The following PDE4D variants were observed in gnomAD, a reference collection of about 807,000 sequenced individuals.
PDE4D encodes phosphodiesterase 4D, also known as 3',5'-cyclic-AMP phosphodiesterase 4D.
Under a neutral mutation model 87.4 loss-of-function variants are expected in PDE4D, and 24 were observed. The ratio of observed to expected loss-of-function variants is 0.27; its 90% CI spans 0.20 to 0.39. The LOEUF is 0.39. Ranked by LOEUF, PDE4D falls within the 10% of genes least tolerant of loss-of-function variation. PDE4D has a pLI of 1.00. For synonymous variants in PDE4D, 384 were observed against 383.2 expected (o/e 1.00, Z -0.02); for missense variants, 714 against 1,041.0 (o/e 0.69, Z 4.32).
intron 1 of PDE4D, among the ~76,000 whole-genome samples, chr5:59,256,501 T>C (rs1012656577): frequency 3.9e-5 from 6 of 152,038 alleles, no homozygotes; most frequent in Non-Finnish European, 1.5e-5. Flanking sequence ...AAACATCAAC[T>C]ACCAAGCCCC....
intron 1 of PDE4D, among the ~76,000 whole-genome samples, chr5:59,577,967 T>G (rs1583198470): frequency 6.6e-6 from 1 of 152,300 alleles, no homozygotes; most frequent in South Asian, 2.1e-4. Flanking sequence ...TTATGTTTCC[T>G]TATTTCCAGT....
At chr5:60,230,853 C>G (rs1745721848) in intron 1 of PDE4D, among the ~76,000 whole-genome samples, 1 of 152,034 alleles carries the variant, frequency 6.6e-6, no homozygotes, top group Non-Finnish European at 1.5e-5. Flanking sequence ...TAAACATCAT[C>G]CATCAGAAAT....
chr5:59,820,422 T>C (rs889189675), intron 1 of PDE4D, among the ~76,000 whole-genome samples: 2 of 152,212 alleles, frequency 1.3e-5, no homozygotes, highest in Admixed American at 1.3e-4. Context: ...TTCCTTACAA[T>C]TCTCTCCTAT....
intron 1 of PDE4D, among the ~76,000 whole-genome samples, chr5:59,347,249 T>C (rs39672): frequency 0.3 from 46,203 of 152,018 alleles, 7,854 homozygotes; most frequent in East Asian, 0.41. Context: ...TGTTACCCTA[T>C]ATAAACAAAC....
chr5:59,262,660 AT>A (rs1404698145), intron 1 of PDE4D, among the ~76,000 whole-genome samples: 2 of 151,876 alleles, frequency 1.3e-5, no homozygotes, highest in Non-Finnish European at 2.9e-5. Flanking sequence ...GAATCTGCTC[AT>A]ATGTGACAAC....
Position 59,087,751 on chromosome 5 carries a change from C to A in PDE4D, c.809-48780G>T, listed in dbSNP as rs139030174. ...CACCTATAGTGCCACAATCTGTAACCTGTTTGAGGCTCTCTCACACCTTTC... is the reference window on the plus strand; with the variant it reads ...CACCTATAGTGCCACAATCTGTAACATGTTTGAGGCTCTCTCACACCTTTC... On this transcript the variant is annotated intron_variant, in intron 5 of 14. Transcript: ENST00000340635. Among the ~76,000 whole-genome samples the A allele has an allele frequency of 1.6e-3, 237 of 152,244 alleles. 1 individual carries two copies. The highest frequency in any genetic ancestry group is 5.3e-3 in the African/African-American group (220 of 41,550).
chr5:60,340,152 G>A (rs1758177348), intron 1 of PDE4D, among the ~76,000 whole-genome samples: 1 of 151,536 alleles, frequency 6.6e-6, no homozygotes, highest in Admixed American at 6.6e-5. Flanking sequence ...AGGGATCCGG[G>A]CCCACGGCGC....
intron 1 of PDE4D, among the ~76,000 whole-genome samples, chr5:59,710,718 C>T (rs992064715): frequency 2.0e-5 from 3 of 152,030 alleles, no homozygotes; most frequent in Non-Finnish European, 4.4e-5. Flanking sequence ...AGTTCTAACA[C>T]TGTTTTTGAG....
At chr5:59,252,009 TG>T (rs1239107887) in intron 1 of PDE4D, among the ~76,000 whole-genome samples, 2 of 151,930 alleles carry the variant, frequency 1.3e-5, no homozygotes, top group African/African-American at 4.8e-5. Flanking sequence ...CAACAGACAT[TG>T]GGGTCTACTT....
chr5:59,827,349 A>G (rs953971106), intron 1 of PDE4D, among the ~76,000 whole-genome samples: 1 of 152,116 alleles, frequency 6.6e-6, no homozygotes, highest in Non-Finnish European at 1.5e-5. Flanking sequence ...TCAGGACCCT[A>G]AAGAAGTATT....
chr5:60,238,644 A>AT (rs879871059), intron 1 of PDE4D, among the ~76,000 whole-genome samples: 1 of 151,600 alleles, frequency 6.6e-6, no homozygotes, highest in African/African-American at 2.4e-5. Flanking sequence ...TTTATCAGCC[A>AT]TTTTTTTCTG....
chr5:60,512,741 C>T (rs939359267), intron 1 of PDE4D, among the ~76,000 whole-genome samples: 5 of 152,158 alleles, frequency 3.3e-5, no homozygotes, highest in African/African-American at 1.2e-4. Context: ...AGAGATTCCT[C>T]AGCAGCTTTC....
At chr5:59,963,201 A>G (rs1205928573) in intron 3 of PDE4D, among the ~76,000 whole-genome samples, 1 of 152,138 alleles carries the variant, frequency 6.6e-6, no homozygotes, top group Non-Finnish European at 1.5e-5. Context: ...AGATCTCTCT[A>G]TATTCCACTC....
chr5:59,922,692 T>C (rs1260701553), intron 3 of PDE4D, among the ~76,000 whole-genome samples: 1 of 152,008 alleles, frequency 6.6e-6, no homozygotes, highest in Non-Finnish European at 1.5e-5. Flanking sequence ...CCCTGAATAA[T>C]CAGCAGCAAT....
chr5:60,169,199 A>C (rs945111953), intron 2 of PDE4D, among the ~76,000 whole-genome samples: 2 of 152,146 alleles, frequency 1.3e-5, no homozygotes, highest in Admixed American at 1.3e-4. Context: ...GGTTAGGGGA[A>C]AAGAGAAAAA....
chr5:59,333,075 T>C (rs1777021737), intron 1 of PDE4D, among the ~76,000 whole-genome samples: 1 of 152,196 alleles, frequency 6.6e-6, no homozygotes, highest in African/African-American at 2.4e-5. Context: ...AAAACTGATA[T>C]ACCAAGCATA....
At chr5:59,284,776 G>A (rs1369516222) in intron 1 of PDE4D, among the ~76,000 whole-genome samples, 2 of 77,064 alleles carry the variant, frequency 2.6e-5, no homozygotes, top group East Asian at 3.2e-4. Context: ...TGTTTATTGC[G>A]GCATTATTCA....
chr5:60,226,613 G>T (rs1271817091), intron 1 of PDE4D, among the ~76,000 whole-genome samples: 1 of 152,036 alleles, frequency 6.6e-6, no homozygotes, highest in Non-Finnish European at 1.5e-5. Context: ...TTTTAATGCT[G>T]CAAGGAAGGT....
chr5:59,880,623 C>T (rs1749300665), intron 1 of PDE4D, among the ~76,000 whole-genome samples: 1 of 152,122 alleles, frequency 6.6e-6, no homozygotes, highest in African/African-American at 2.4e-5. Flanking sequence ...TAAAAGAAAG[C>T]ATTTTTGATA....
Sources: allele counts gnomAD v4.1 joint callset (sites outside exome capture counted in the v4.1 genomes callset), GRCh38; gene constraint gnomAD v4.1.1; transcripts MANE v1.5; gene names NCBI Gene and HGNC (gene_info 2026-07-23, HGNC 2026-07-21).